BET1L: variants seen among roughly 807,000 people sequenced by gnomAD.
BET1L encodes BET1-like protein.
BET1L carries 13 observed loss-of-function variants against 12.6 expected under a neutral mutation model. That is an observed-to-expected ratio of 1.03 (90% CI 0.67 to 1.64). BET1L has a LOEUF of 1.64. Among genes scored for constraint, BET1L ranks in the 40% most tolerant of loss-of-function variants. The pLI is 0.00. For synonymous variants in BET1L, 60 were observed against 56.9 expected, an observed-to-expected ratio of 1.05 and a Z score of -0.25; for missense variants, 154 against 150.7, an observed-to-expected ratio of 1.02 and a Z score of -0.11.
intron 1 of BET1L, among the ~76,000 whole-genome samples, chr11:206,739 C>G (rs756281289): frequency 6.6e-6 from 1 of 152,190 alleles, no homozygotes; most frequent in African/African-American, 2.4e-5. Flanking sequence ...ACATCAGGTG[C>G]GTGAGAACCA....
chr11:207,095 C>T, intron 1 of BET1L: 1 of 599,472 alleles, frequency 1.7e-6, no homozygotes, highest in Non-Finnish European at 2.7e-6. Flanking sequence ...GCTGCTGGGC[C>T]GCCACGCGCG....
At position 203,783 on chromosome 11, in the gene BET1L, G is replaced by A. The variant is rs1203503961; in HGVS notation, c.*1519C>T. The A allele has an allele frequency of 6.5e-6, 1 of 153,212 alleles. No individual in the cohort carries two copies. Among genetic ancestry groups the A allele is most frequent in the Non-Finnish European group, 1.5e-5 (1 of 68,406 alleles). 9.5% of individuals were successfully genotyped at this position (153,212 alleles called of 1,614,324 possible). On this transcript the variant is annotated 3_prime_UTR_variant, in exon 4 of 4. Coordinates refer to ENST00000382762, the MANE Select transcript of BET1L (RefSeq NM_001098787.2). ...GCCCCAGAGACATGGAGGCAGATGA[G>A]TCAACCTTGCTGGGTGAGAAGTGAG...
In BET1L at chr11:205,332, G is replaced by A. The variant is rs545441345; in HGVS notation, c.306C>T (p.Leu102=). 9 of 1,613,846 alleles carry A rather than the reference G, an allele frequency of 5.6e-6. No individual in the cohort carries two copies. The highest frequency in any genetic ancestry group is 2.7e-5 in the African/African-American group (2 of 75,060). ...TCCTTGCCCTGGACAAGAAGTAGGA[G>A]AGGATGAAGAAGGCCACAATTAGAC... ...AVGLIVAFFI[L]SYFLSRART is the part of the protein sequence containing the mutation. Residue 102 remains leucine, a synonymous_variant, in exon 4 of 4, where the codon CTC becomes CTT. Transcript: ENST00000382762.
chr11:207,294 C>G lies in BET1L; in HGVS notation c.19+9G>C, dbSNP rs778368262. The G allele has an allele frequency of 6.5e-7, 1 of 1,540,158 alleles. No individual in the cohort carries two copies. Among genetic ancestry groups the G allele is most frequent in the African/African-American group, 1.4e-5 (1 of 70,664 alleles). ...CCTGCCCCCAACGGCTCCGCTCTCC[C>G]GCGCTCACCCCGAGCCCAGTCCGCC... is the stretch of plus-strand genomic sequence containing the variant. On this transcript the variant is annotated intron_variant, in intron 1 of 3. Coordinates refer to ENST00000382762, the MANE Select transcript of BET1L (RefSeq NM_001098787.2).
At position 204,348 on chromosome 11, in the gene BET1L, T is replaced by TG. The variant is rs1202125542; in HGVS notation, c.*953dup. 6.6e-6 allele frequency: 1 copy of TG among 152,194 alleles called. No homozygotes were observed. The highest frequency in any genetic ancestry group is 1.5e-5 in the Non-Finnish European group (1 of 68,076). 9.4% of individuals were successfully genotyped at this position (152,194 alleles called of 1,614,324 possible). Reference sequence around the variant, plus strand: ...CTGCAGAGGCTGGGGACAAGGAGGATGGCACAGAATGCCATCACAGCCAGG... The same window carrying TG: ...CTGCAGAGGCTGGGGACAAGGAGGATGGGCACAGAATGCCATCACAGCCAGG... On this transcript the variant is annotated 3_prime_UTR_variant, in exon 4 of 4. Coordinates refer to ENST00000382762, the MANE Select transcript of BET1L (RefSeq NM_001098787.2).
chr11:205,415 A>T lies in BET1L; in HGVS notation c.223T>A (p.Ser75Thr). 1 of 1,614,222 alleles carries T rather than the reference A, an allele frequency of 6.2e-7. No homozygotes were observed. The highest frequency in any genetic ancestry group is 8.5e-7 in the Non-Finnish European group (1 of 1,180,040). ...SLLTGSVKRF[S>T]TMARSGQDNR... is the part of the protein sequence containing the mutation. ...TCTTGTCCGGACCTTGCCATTGTGG[A>T]AAAGCGCTTCACGCTCCCTGTAAGC... Residue 75 changes from serine (S) to threonine (T), a missense_variant, in exon 4 of 4, where the codon TCC (serine) becomes ACC (threonine). Ser to Thr is a moderately conservative substitution (Grantham distance 58, BLOSUM62 1). Coordinates refer to ENST00000382762, the MANE Select transcript of BET1L (RefSeq NM_001098787.2).
rs774346665 is a variant in BET1L at position 205,627 on chromosome 11, C to T, written c.152G>A (p.Arg51Gln). The change falls in exon 3 of 4, where the codon CGG becomes CAG. Residue 51 changes from arginine to glutamine, a missense_variant. By Grantham distance (43) the Arg-to-Gln change is conservative. Transcript: ENST00000382762. Reference protein sequence around the residue: ...DIDRDAEDQNRYLDGMDSDFT... With the variant: ...DIDRDAEDQNQYLDGMDSDFT... ...GGCCCTTACCATGCCATCCAGGTACCGGTTCTGATCCTCTGCATCCCTATC... is the reference window on the plus strand; with the variant it reads ...GGCCCTTACCATGCCATCCAGGTACTGGTTCTGATCCTCTGCATCCCTATC... 3.3e-5 allele frequency: 53 copies of T among 1,613,400 alleles called. No homozygotes were observed. The highest frequency in any genetic ancestry group is 1.6e-4 in the Middle Eastern group (1 of 6,082).
intron 1 of BET1L, 134 bp from the exon 2 acceptor site, chr11:206,177 CAT>C (rs1321279340): frequency 3.3e-5 from 23 of 707,522 alleles, no homozygotes; most frequent in Non-Finnish European, 3.9e-5. Flanking sequence ...GAATCTTGCA[CAT>C]GAGACAGGCT....
rs1855090667 is a variant in BET1L, at chr11:203,814, A to G, written c.*1488T>C. The G allele has an allele frequency of 6.5e-6, 1 of 153,280 alleles. No homozygotes were observed. The highest frequency in any genetic ancestry group is 2.4e-5 in the African/African-American group (1 of 41,474). 9.5% of individuals were successfully genotyped at this position (153,280 alleles called of 1,614,324 possible). A position where few individuals can be genotyped will look rare whatever the true frequency, so the allele number is the denominator to read the frequency against. On this transcript the variant is annotated 3_prime_UTR_variant, in exon 4 of 4. Transcript: ENST00000382762. ...CTTGCTGGGTGAGAAGTGAGCTTGC[A>G]CTGCATAGGGCAAGAAGAAGGTGGA... is the stretch of plus-strand genomic sequence containing the variant.
chr11:203,318 A>C lies in BET1L; in HGVS notation c.*1984T>G, dbSNP rs1307637887. 4 of 152,266 alleles carry C rather than the reference A, an allele frequency of 2.6e-5. No homozygotes were observed. The allele number at this position is 152,266 out of a possible 1,614,324, so 9.4% of individuals were successfully genotyped here. ...CTGGGAGAGCTGCAAACAGCCATGG[A>C]GATAAGAGAGGCGGGGAGGGAACAC... is the stretch of plus-strand genomic sequence containing the variant. On this transcript the variant is annotated 3_prime_UTR_variant, in exon 4 of 4. Transcript: ENST00000382762.
chr11:205,058 G>C lies in BET1L; in HGVS notation c.*244C>G, dbSNP rs1362508701. 1 of 476,680 alleles carries C rather than the reference G, an allele frequency of 2.1e-6. No homozygotes were observed. The allele number at this position is 476,680 out of a possible 1,614,324, so 29.5% of individuals were successfully genotyped here. A position where few individuals can be genotyped will look rare whatever the true frequency, so the allele number is the denominator to read the frequency against. ...AGCTCTGCCTGGCTCTCTAGCACCT[G>C]GGGGAGGGGGGAGGGGCTGGGCCTT... is the stretch of plus-strand genomic sequence containing the variant. On this transcript the variant is annotated 3_prime_UTR_variant, in exon 4 of 4. Coordinates refer to ENST00000382762, the MANE Select transcript of BET1L (RefSeq NM_001098787.2).
intron 3 of BET1L, 68 bp from the exon 4 acceptor site, chr11:205,537 A>T: frequency 6.2e-7 from 1 of 1,614,166 alleles, no homozygotes; most frequent in Non-Finnish European, 8.5e-7. Context: ...ACCAGTGCTG[A>T]AGGAGACACT....
Position 207,359 on chromosome 11 carries a change from C to CGGCCACAGCAGCCTCAGACGT in BET1L, c.-39_-38insACGTCTGAGGCTGCTGTGGCC. The CGGCCACAGCAGCCTCAGACGT allele has an allele frequency of 6.6e-7, 1 of 1,506,420 alleles. No homozygotes were observed. Among genetic ancestry groups the CGGCCACAGCAGCCTCAGACGT allele is most frequent in the Non-Finnish European group, 8.8e-7 (1 of 1,132,084 alleles). 93.3% of individuals were successfully genotyped at this position (1,506,420 alleles called of 1,614,324 possible). A position where few individuals can be genotyped will look rare whatever the true frequency, so the allele number is the denominator to read the frequency against. On this transcript the variant is annotated 5_prime_UTR_variant, in exon 1 of 4. Transcript: ENST00000382762. ...CGGCTCCTCGACGCGGACACCGACGCGGCCACAGCCGCCTCAGACGTGGCG... is the reference window on the plus strand; with the variant it reads ...CGGCTCCTCGACGCGGACACCGACGCGGCCACAGCAGCCTCAGACGTGGCCACAGCCGCCTCAGACGTGGCG...
chr11:205,409 T>A lies in BET1L; in HGVS notation c.229A>T (p.Met77Leu), dbSNP rs369056456. The change falls in exon 4 of 4, where the codon ATG becomes TTG. Residue 77 changes from methionine to leucine, a missense_variant. Met to Leu is a conservative substitution (Grantham distance 15). Transcript: ENST00000382762. ...LTGSVKRFST[M>L]ARSGQDNRKL... Reference sequence around the variant, plus strand: ...CGGTTGTCTTGTCCGGACCTTGCCATTGTGGAAAAGCGCTTCACGCTCCCT... The same window carrying A: ...CGGTTGTCTTGTCCGGACCTTGCCAATGTGGAAAAGCGCTTCACGCTCCCT... The A allele has an allele frequency of 1.2e-6, 2 of 1,614,212 alleles. No homozygotes were observed. Among genetic ancestry groups the A allele is most frequent in the African/African-American group, 2.7e-5 (2 of 75,062 alleles).
rs1230121290 is a variant in BET1L, at chr11:205,653, G to T, written c.126C>A (p.Ile42=). The change falls in exon 3 of 4, where the codon ATC becomes ATA. Residue 42 remains isoleucine, a synonymous_variant. Transcript: ENST00000382762. ...GGTTCTGATCCTCTGCATCCCTATCGATGTCCAGGGCGAGCTGTTCAGCAG... is the reference window on the plus strand; with the variant it reads ...GGTTCTGATCCTCTGCATCCCTATCTATGTCCAGGGCGAGCTGTTCAGCAG... The part of the protein sequence containing the change: ...VTRLKSLALD[I]DRDAEDQNRY... The T allele has an allele frequency of 6.2e-7, 1 of 1,610,688 alleles. No individual in the cohort carries two copies. Among genetic ancestry groups the T allele is most frequent in the Non-Finnish European group, 8.5e-7 (1 of 1,178,390 alleles).
At chr11:205,898 A>T in intron 2 of BET1L, 54 bp downstream of exon 2, 1 of 1,581,220 alleles carries the variant, frequency 6.3e-7, no homozygotes, top group Non-Finnish European at 8.7e-7. Flanking sequence ...CTTCCCTCTG[A>T]TCCCCATTCC....
At chr11:207,128 C>G (rs1855187058) in intron 1 of BET1L, 175 bp downstream of exon 1, 2 of 863,400 alleles carry the variant, frequency 2.3e-6, no homozygotes, top group East Asian at 3.3e-5. Context: ...ACGGCAGTGC[C>G]GGCCGAAACC....
intron 1 of BET1L, chr11:207,067 G>C: frequency 1.9e-6 from 1 of 531,336 alleles, no homozygotes; most frequent in Admixed American, 4.1e-5. Flanking sequence ...CCCCGCTGCT[G>C]CGCGACCCCT....
rs1378702736 is a variant in BET1L, at chr11:205,509, A to C, written c.169-40T>G. The stretch of plus-strand genomic sequence containing the variant: ...CCAGCAAGATCACACAGAAGTGGTG[A>C]TTTGACCACCCACCCGCACCAGTGC... On this transcript the variant is annotated intron_variant, in intron 3 of 3. Coordinates refer to ENST00000382762, the MANE Select transcript of BET1L (RefSeq NM_001098787.2). 4 of 1,614,034 alleles carry C rather than the reference A, an allele frequency of 2.5e-6. No homozygotes were observed. In the African/African-American group the frequency reaches 5.3e-5, roughly 22 times the overall value.
Sources: gnomAD v4.1 joint callset for allele counts (sites outside exome capture counted in the v4.1 genomes callset) on GRCh38, gnomAD v4.1.1 for gene constraint, MANE v1.5 for transcripts, NCBI Gene and HGNC (gene_info 2026-07-23, HGNC 2026-07-21) for gene names.